JAKMIP1: variants seen among roughly 807,000 people sequenced by gnomAD.
JAKMIP1 encodes the protein janus kinase and microtubule-interacting protein 1.
JAKMIP1 carries 33 observed loss-of-function variants against 113.0 expected under a neutral mutation model. The observed-to-expected ratio is 0.29, with a 90% CI of 0.22 to 0.39. The LOEUF (loss-of-function observed/expected upper bound fraction) is 0.39, where lower values mean the gene tolerates loss of function less well. Among genes scored for constraint, JAKMIP1 ranks in the 10% least tolerant of loss-of-function variants. The pLI, the probability that JAKMIP1 is intolerant of heterozygous loss-of-function variation, is 1.00. For synonymous variants in JAKMIP1, 480 were observed against 459.9 expected (o/e 1.04, Z -0.56); for missense variants, 813 against 1,080.5 (o/e 0.75, Z 3.47).
chr4:6,068,875 AT>A (rs1435833988), intron 8 of JAKMIP1, among the ~76,000 whole-genome samples: 7 of 152,182 alleles, frequency 4.6e-5, no homozygotes, highest in Non-Finnish European at 7.4e-5. Flanking sequence ...CAGCCTTAAC[AT>A]TTTTTTATAA....
intron 2 of JAKMIP1, among the ~76,000 whole-genome samples, 185 bp downstream of exon 2, chr4:6,112,537 G>A (rs1715100870): frequency 6.6e-6 from 1 of 152,176 alleles, no homozygotes; most frequent in Admixed American, 6.5e-5. Flanking sequence ...GCAAGCACTG[G>A]TAGGGCCCAG....
chr4:6,159,113 A>G (rs1252723394), intron 1 of JAKMIP1, among the ~76,000 whole-genome samples: 2 of 151,922 alleles, frequency 1.3e-5, no homozygotes, highest in African/African-American at 2.4e-5. Context: ...TTAATAAAAA[A>G]CCACACATAA....
At chr4:6,123,983 G>A (rs188443187) in intron 1 of JAKMIP1, among the ~76,000 whole-genome samples, 34 of 152,290 alleles carry the variant, frequency 2.2e-4, no homozygotes, top group Non-Finnish European at 4.6e-4. Flanking sequence ...TCCATGAGGC[G>A]TATCAATAAT....
intron 18 of JAKMIP1, among the ~76,000 whole-genome samples, chr4:6,039,863 CATT>C (rs1187639405): frequency 2.0e-5 from 3 of 152,070 alleles, no homozygotes; most frequent in Non-Finnish European, 4.4e-5. Context: ...GTTTTAAAGT[CATT>C]TTTTTTTTAG....
At position 6,143,531 on chromosome 4, in the gene JAKMIP1, C is replaced by T. The variant is rs143644316; in HGVS notation, c.-147-30534G>A. On this transcript the variant is annotated intron_variant, in intron 1 of 20. Transcript: ENST00000409021. The surrounding 1 kb of genome is among the most constrained non-coding windows in gnomAD (Gnocchi z 4.9). Reference sequence around the variant, plus strand: ...GGATCCGGCCTGGGTCCCACCTGGCCTCTTTCAGTTATGCCTCCAGCCCCT... The same window carrying T: ...GGATCCGGCCTGGGTCCCACCTGGCTTCTTTCAGTTATGCCTCCAGCCCCT... Among the ~76,000 whole-genome samples the T allele has an allele frequency of 0.012, 1,805 of 152,308 alleles. 20 individuals are homozygous for T. Among genetic ancestry groups the T allele is most frequent in the Non-Finnish European group, 0.019 (1,266 of 68,024 alleles).
At position 6,150,026 on chromosome 4, in the gene JAKMIP1, C is replaced by T. The variant is rs545873183; in HGVS notation, c.-147-37029G>A. 1.2e-3 allele frequency among the ~76,000 whole-genome samples: 181 copies of T among 152,304 alleles called. No homozygotes were observed. The highest frequency in any genetic ancestry group is 6.8e-3 in the Middle Eastern group (2 of 294). On this transcript the variant is annotated intron_variant, in intron 1 of 20. Transcript: ENST00000409021. This position sits in a 1 kb window ranked among gnomAD's most constrained non-coding sequence, Gnocchi z 4.8. The stretch of plus-strand genomic sequence containing the variant: ...ATCTCCCCTTGCCTAAATCTCACAT[C>T]CTCCAAGGTCAATTACACACTCATT...
intron 12 of JAKMIP1, among the ~76,000 whole-genome samples, chr4:6,055,449 T>C (rs1307666017): frequency 6.6e-6 from 1 of 152,160 alleles, no homozygotes; most frequent in Admixed American, 6.5e-5. Context: ...CCGAGAGCTC[T>C]GGAAAGTTCC....
rs201367130 is a variant in JAKMIP1, at chr4:6,168,727, C to CAA, written c.-148+31524_-148+31525dup. Among the ~76,000 whole-genome samples, 7 of 144,122 alleles carry CAA rather than the reference C, an allele frequency of 4.9e-5. No individual in the cohort carries two copies. The highest frequency in any genetic ancestry group is 1.3e-4 in the African/African-American group (5 of 39,268). 94.5% of individuals were successfully genotyped at this position (144,122 alleles called of 152,430 possible). On this transcript the variant is annotated intron_variant, in intron 1 of 20. Transcript: ENST00000409021. The surrounding 1 kb of genome is among the most constrained non-coding windows in gnomAD (Gnocchi z 4.6). ...ACAGGATGGCAAATCCATGTCTCTA[C>CAA]AAAAAAAAAACAAAACACAAAAATT...
intron 1 of JAKMIP1, among the ~76,000 whole-genome samples, chr4:6,146,593 TGAA>T (rs760250879): frequency 1.2e-4 from 19 of 152,248 alleles, no homozygotes; most frequent in Non-Finnish European, 2.9e-5. Context: ...TGTGCCCAGC[TGAA>T]GAAGTCCTGA....
intron 1 of JAKMIP1, among the ~76,000 whole-genome samples, chr4:6,128,672 C>T (rs763705455): frequency 1.3e-5 from 2 of 152,202 alleles, no homozygotes; most frequent in Non-Finnish European, 2.9e-5. Context: ...TCGCTCCCCA[C>T]GTGCACTGCC....
Position 6,141,963 on chromosome 4 carries a change from A to C in JAKMIP1, c.-147-28966T>G, listed in dbSNP as rs775198077. 2.0e-5 allele frequency among the ~76,000 whole-genome samples: 3 copies of C among 152,214 alleles called. No individual in the cohort carries two copies. Among genetic ancestry groups the C allele is most frequent in the Non-Finnish European group, 4.4e-5 (3 of 68,044 alleles). Reference sequence around the variant, plus strand: ...TAAAGAAACTTGGGAGAACACAGAAAAGGAAAAGGAAGAGAAAAAGAAACT... The same window carrying C: ...TAAAGAAACTTGGGAGAACACAGAACAGGAAAAGGAAGAGAAAAAGAAACT... On this transcript the variant is annotated intron_variant, in intron 1 of 20. Coordinates refer to ENST00000409021, the MANE Select transcript of JAKMIP1 (RefSeq NM_001099433.2). This position sits in a 1 kb window ranked among gnomAD's most constrained non-coding sequence, Gnocchi z 9.4.
chr4:6,198,324 A>G lies in JAKMIP1; in HGVS notation c.-148+1929T>C, dbSNP rs578104151. ...GGGAGCATTGTTTTAGACGGGGGGA[A>G]AAAGAAGCATGTGGGGGAAAAACCC... On this transcript the variant is annotated intron_variant, in intron 1 of 20. Transcript: ENST00000409021. Among the ~76,000 whole-genome samples, 4 of 152,238 alleles carry G rather than the reference A, an allele frequency of 2.6e-5. No individual in the cohort carries two copies. In the East Asian group the frequency reaches 7.7e-4, roughly 29 times the overall value.
At position 6,076,138 on chromosome 4, in the gene JAKMIP1, T is replaced by G. The variant is rs1027251458; in HGVS notation, c.1302+2801A>C. ...TTGCAATGAGCCGAGATTGTGCCAT[T>G]GCACTCCAGCCCAGGCAACAAGAGC... On this transcript the variant is annotated intron_variant, in intron 8 of 20. Coordinates refer to ENST00000409021, the MANE Select transcript of JAKMIP1 (RefSeq NM_001099433.2). The surrounding 1 kb of genome is among the most constrained non-coding windows in gnomAD (Gnocchi z 4.8). Among the ~76,000 whole-genome samples, 9 of 152,158 alleles carry G rather than the reference T, an allele frequency of 5.9e-5. No individual in the cohort carries two copies. The highest frequency in any genetic ancestry group is 1.2e-4 in the Non-Finnish European group (8 of 68,030).
At position 6,061,552 on chromosome 4, in the gene JAKMIP1, G is replaced by A. The variant is rs368049852; in HGVS notation, c.1560+760C>T. On this transcript the variant is annotated intron_variant, in intron 10 of 20. Transcript: ENST00000409021. This position sits in a 1 kb window ranked among gnomAD's most constrained non-coding sequence, Gnocchi z 5.3. ...GAGAAAGAGCACAGGCCCTGAGTCC[G>A]AGAAACCTGGCCTCGACTCCCAGCT... Among the ~76,000 whole-genome samples, 1 of 152,340 alleles carries A rather than the reference G, an allele frequency of 6.6e-6. No homozygotes were observed. The highest frequency in any genetic ancestry group is 2.1e-4 in the South Asian group (1 of 4,828).
intron 1 of JAKMIP1, among the ~76,000 whole-genome samples, chr4:6,177,573 T>C (rs531824294): frequency 1.5e-3 from 233 of 152,324 alleles, no homozygotes; most frequent in African/African-American, 5.1e-3. Flanking sequence ...CCAACCCTTC[T>C]GCTGTGTGAC....
chr4:6,084,994 A>AAAT, intron 4 of JAKMIP1, 29 bp from the exon 5 acceptor site: 1 of 1,518,082 alleles, frequency 6.6e-7, no homozygotes, highest in Non-Finnish European at 8.8e-7. Context: ...AAAAAAAAAA[A>AAAT]GTCAAGACGT....
At position 6,097,341 on chromosome 4, in the gene JAKMIP1, A is replaced by G. The variant is rs997963496; in HGVS notation, c.624+8132T>C. Among the ~76,000 whole-genome samples, 1 of 152,188 alleles carries G rather than the reference A, an allele frequency of 6.6e-6. No homozygotes were observed. The highest frequency in any genetic ancestry group is 6.5e-5 in the Admixed American group (1 of 15,284). ...CTACCAATAAGTAATCACTTCTTAC[A>G]CTTATTCACACATACCACTGATACA... On this transcript the variant is annotated intron_variant, in intron 3 of 20. Coordinates refer to ENST00000409021, the MANE Select transcript of JAKMIP1 (RefSeq NM_001099433.2). The surrounding 1 kb of genome is among the most constrained non-coding windows in gnomAD (Gnocchi z 4.3).
Position 6,036,072 on chromosome 4 carries a change from C to T in JAKMIP1, c.2211G>A (p.Ala737=), listed in dbSNP as rs61734119. Residue 737 remains alanine, a synonymous_variant, in exon 19 of 21, where the codon GCG becomes GCA. Transcript: ENST00000409021. ...IQDLEATLYT[A]LQQEPGRRAG... is the part of the protein sequence containing the mutation. ...CCCTCCGCCCCGGCTCCTGCTGCAG[C>T]GCTGTGTACAGTGTGGCCTCCAGGT... 951 of 1,558,642 alleles carry T rather than the reference C, an allele frequency of 6.1e-4. 6 individuals carry two copies. Among genetic ancestry groups the T allele is most frequent in the Admixed American group, 2.7e-4 (14 of 51,714 alleles).
rs1473936644 is a variant in JAKMIP1, at chr4:6,081,529, TG to T, written c.1101+79del. ...GGCAGCAGGTGCGCCCCAGAACATG[TG>T]AATCGGGAGGTTCAGGGCTGAAGAA... On this transcript the variant is annotated intron_variant, in intron 6 of 20. Transcript: ENST00000409021. This position sits in a 1 kb window ranked among gnomAD's most constrained non-coding sequence, Gnocchi z 4.6. The T allele has an allele frequency of 1.4e-5, 22 of 1,536,014 alleles. No individual in the cohort carries two copies. The highest frequency in any genetic ancestry group is 6.9e-5 in the Admixed American group (4 of 57,580).
Sources: gnomAD v4.1 joint callset for allele counts (sites outside exome capture counted in the v4.1 genomes callset) on GRCh38, gnomAD v4.1.1 for gene constraint, Gnocchi (gnomAD v3.1) non-coding constraint, MANE v1.5 for transcripts, NCBI Gene and HGNC (gene_info 2026-07-23, HGNC 2026-07-21) for gene names.